Variants in KCTD16 observed in about 807,000 individuals in gnomAD.
KCTD16 encodes BTB/POZ domain-containing protein KCTD16.
Under a neutral mutation model 33.2 loss-of-function variants are expected in KCTD16, and 13 were observed. The observed-to-expected ratio is 0.39, with a 90% CI of 0.25 to 0.62. KCTD16 has a LOEUF of 0.62. KCTD16 is among the 20% of genes least tolerant of loss of function. The pLI, the probability that KCTD16 is intolerant of heterozygous loss-of-function variation, is 0.50. For missense variants in KCTD16, 441 were observed against 525.1 expected (o/e 0.84, Z 1.57); for synonymous variants, 197 against 195.3 (o/e 1.01, Z -0.07).
intron 3 of KCTD16, among the ~76,000 whole-genome samples, chr5:144,336,224 C>G (rs1222677180): frequency 3.9e-5 from 6 of 152,180 alleles, no homozygotes; most frequent in Non-Finnish European, 8.8e-5. Context: ...AGCTGGGATG[C>G]CAATAGGGCA....
Position 144,475,515 on chromosome 5 carries a change from T to A in KCTD16, c.*1401T>A, listed in dbSNP as rs1371745410. The A allele has an allele frequency of 6.6e-6, 1 of 152,664 alleles. No individual in the cohort carries two copies. Among genetic ancestry groups the A allele is most frequent in the African/African-American group, 2.4e-5 (1 of 41,466 alleles). The allele number at this position is 152,664 out of a possible 1,614,324, so 9.5% of individuals were successfully genotyped here. On this transcript the variant is annotated 3_prime_UTR_variant, in exon 4 of 4. Coordinates refer to ENST00000512467, the MANE Select transcript of KCTD16 (RefSeq NM_020768.4). ...CCGTCCATGTAACTCTGTATTTTACTAAGGTACCAATAGCTCTTTCATAGA... is the reference window on the plus strand; with the variant it reads ...CCGTCCATGTAACTCTGTATTTTACAAAGGTACCAATAGCTCTTTCATAGA...
At chr5:144,190,892 A>T (rs1451593113) in intron 2 of KCTD16, among the ~76,000 whole-genome samples, 2 of 152,160 alleles carry the variant, frequency 1.3e-5, no homozygotes, top group Non-Finnish European at 2.9e-5. Context: ...CTAAACAAAC[A>T]TTTACTGAAT....
At chr5:144,324,502 G>A (rs1217872816) in intron 3 of KCTD16, among the ~76,000 whole-genome samples, 1 of 152,172 alleles carries the variant, frequency 6.6e-6, no homozygotes, top group Non-Finnish European at 1.5e-5. Context: ...TTCAACCATT[G>A]TGGAAGGCAG....
intron 3 of KCTD16, among the ~76,000 whole-genome samples, chr5:144,334,202 G>GA (rs1752423925): frequency 6.6e-6 from 1 of 152,134 alleles, no homozygotes; most frequent in Admixed American, 6.5e-5. Context: ...TCCACTCAGA[G>GA]TTGACATGAT....
intron 3 of KCTD16, among the ~76,000 whole-genome samples, chr5:144,304,977 C>CTTTTTT (rs146638360): frequency 3.6e-5 from 3 of 83,416 alleles, no homozygotes; most frequent in African/African-American, 5.5e-5. Context: ...ATATCAAAAT[C>CTTTTTT]TTTTTTTTTT....
chr5:144,229,431 A>AT (rs1754031697), intron 3 of KCTD16, among the ~76,000 whole-genome samples: 1 of 152,186 alleles, frequency 6.6e-6, no homozygotes, highest in Non-Finnish European at 1.5e-5. Flanking sequence ...ATGAATGAAT[A>AT]ATGACACACT....
intron 3 of KCTD16, among the ~76,000 whole-genome samples, chr5:144,463,988 C>T (rs1002701368): frequency 5.3e-5 from 8 of 152,274 alleles, no homozygotes; most frequent in Non-Finnish European, 1.2e-4. Flanking sequence ...GATACATGTT[C>T]GGCACAGCTG....
intron 3 of KCTD16, among the ~76,000 whole-genome samples, chr5:144,457,065 T>C (rs778917774): frequency 1.3e-5 from 2 of 152,240 alleles, no homozygotes; most frequent in Non-Finnish European, 2.9e-5. Context: ...TACAAATTTG[T>C]AATGGAGAAG....
Position 144,419,238 on chromosome 5 carries a change from T to C in KCTD16, c.833-54422T>C, listed in dbSNP as rs1753154868. 2.6e-5 allele frequency among the ~76,000 whole-genome samples: 4 copies of C among 152,322 alleles called. No individual in the cohort carries two copies. The South Asian group carries it at 8.3e-4, about 32-fold the overall frequency. On this transcript the variant is annotated intron_variant, in intron 3 of 3. Transcript: ENST00000512467. ...AATTTGCATCCCTGATATTCTTATG[T>C]TTGACTGCCTTTTCAGTCCTGAAAG...
chr5:144,387,164 GAC>G (rs1202322835), intron 3 of KCTD16, among the ~76,000 whole-genome samples: 14 of 132,202 alleles, frequency 1.1e-4, no homozygotes, highest in African/African-American at 3.8e-4. Flanking sequence ...TTTTTTGAGA[GAC>G]AGAGTCTCAC....
chr5:144,297,242 A>G (rs1350156378), intron 3 of KCTD16, among the ~76,000 whole-genome samples: 4 of 152,244 alleles, frequency 2.6e-5, no homozygotes, highest in Non-Finnish European at 4.4e-5. Context: ...GTAAAACTAT[A>G]CTACCATGGG....
At chr5:144,281,782 G>C (rs1033583894) in intron 3 of KCTD16, among the ~76,000 whole-genome samples, 4 of 152,108 alleles carry the variant, frequency 2.6e-5, no homozygotes, top group African/African-American at 9.7e-5. Flanking sequence ...AGAGATAAGT[G>C]TTAAAGTTTC....
chr5:144,399,023 G>A (rs1038096269), intron 3 of KCTD16, among the ~76,000 whole-genome samples: 5 of 152,088 alleles, frequency 3.3e-5, no homozygotes, highest in African/African-American at 7.2e-5. Context: ...ACGGCAGCAC[G>A]TTTGCTAATA....
intron 3 of KCTD16, among the ~76,000 whole-genome samples, chr5:144,349,527 G>A (rs960669916): frequency 1.3e-5 from 2 of 152,102 alleles, no homozygotes; most frequent in African/African-American, 4.8e-5. Flanking sequence ...TCCAGCATAA[G>A]CCCTCATTCA....
At chr5:144,329,824 A>T (rs187784389) in intron 3 of KCTD16, among the ~76,000 whole-genome samples, 36 of 152,318 alleles carry the variant, frequency 2.4e-4, no homozygotes, top group Admixed American at 5.9e-4. Flanking sequence ...CTTAGGAAGG[A>T]CATCAGGAAG....
intron 3 of KCTD16, among the ~76,000 whole-genome samples, chr5:144,457,115 ACT>A (rs1754084535): frequency 6.6e-6 from 1 of 152,252 alleles, no homozygotes; most frequent in South Asian, 2.1e-4. Context: ...TGTAACGCAC[ACT>A]TATCAAATCT....
chr5:144,236,726 T>C (rs920087614), intron 3 of KCTD16, among the ~76,000 whole-genome samples: 3 of 152,122 alleles, frequency 2.0e-5, no homozygotes, highest in African/African-American at 7.2e-5. Context: ...TGCAAATGCA[T>C]TTAGCCCTGG....
intron 3 of KCTD16, among the ~76,000 whole-genome samples, chr5:144,280,246 T>A (rs1334153130): frequency 6.6e-6 from 1 of 152,140 alleles, no homozygotes; most frequent in Non-Finnish European, 1.5e-5. Context: ...GAATTTAAAT[T>A]ATTATTATTT....
At chr5:144,398,708 ACT>A (rs367796082) in intron 3 of KCTD16, among the ~76,000 whole-genome samples, 356 of 144,306 alleles carry the variant, frequency 2.5e-3, no homozygotes, top group Non-Finnish European at 2.4e-3. Flanking sequence ...ACACACACAC[ACT>A]CTCTCTCTCT....
Sources: allele counts gnomAD v4.1 joint callset (sites outside exome capture counted in the v4.1 genomes callset), GRCh38; gene constraint gnomAD v4.1.1; transcripts MANE v1.5; gene names NCBI Gene and HGNC (gene_info 2026-07-23, HGNC 2026-07-21).